NAALADL2: variants seen among roughly 807,000 people sequenced by gnomAD.
The protein encoded by NAALADL2 is inactive N-acetylated-alpha-linked acidic dipeptidase-like protein 2.
Under a neutral mutation model 87.2 loss-of-function variants are expected in NAALADL2, and 76 were observed. That is an observed-to-expected ratio of 0.87 (90% CI 0.72 to 1.05). The LOEUF (loss-of-function observed/expected upper bound fraction) is 1.05, where lower values mean the gene tolerates loss of function less well. Ranked by LOEUF, NAALADL2 falls within the 50% of genes least tolerant of loss-of-function variation. NAALADL2 has a pLI of 0.00. For missense variants in NAALADL2, 1,089 were observed against 945.8 expected (o/e 1.15, Z -1.99); for synonymous variants, 354 against 331.0 (o/e 1.07, Z -0.75).
intron 3 of NAALADL2, among the ~76,000 whole-genome samples, chr3:174,789,098 A>T (rs1177357183): frequency 6.6e-6 from 1 of 152,190 alleles, no homozygotes; most frequent in Non-Finnish European, 1.5e-5. Flanking sequence ...TGAGGTCATT[A>T]TCACTGGAAG....
intron 2 of NAALADL2, among the ~76,000 whole-genome samples, chr3:174,732,153 A>G (rs1225868720): frequency 1.3e-5 from 2 of 152,136 alleles, no homozygotes; most frequent in African/African-American, 4.8e-5. Flanking sequence ...ATTAACTAGC[A>G]ATGTTCCCAA....
chr3:174,965,220 G>A (rs1249802655), intron 1 of NAALADL2, among the ~76,000 whole-genome samples: 2 of 152,028 alleles, frequency 1.3e-5, no homozygotes, highest in Non-Finnish European at 2.9e-5. Flanking sequence ...GGCCATTGGC[G>A]GGAGGCCACA....
intron 11 of NAALADL2, among the ~76,000 whole-genome samples, chr3:175,632,254 G>T (rs1299212540): frequency 6.7e-6 from 1 of 148,360 alleles, no homozygotes; most frequent in African/African-American, 2.5e-5. Flanking sequence ...AAAAGTGTGT[G>T]GCACTTTCCC....
intron 11 of NAALADL2, among the ~76,000 whole-genome samples, chr3:175,667,231 GAAAGAAAGAAAAAGAAAGAA>G (rs774891120): frequency 3.4e-5 from 4 of 116,714 alleles, no homozygotes; most frequent in Non-Finnish European, 6.7e-5. Context: ...AAGAAAGAAA[GAAAGAAAGAAAAAGAAAGAA>G]AGAAAGAAAG....
intron 10 of NAALADL2, among the ~76,000 whole-genome samples, chr3:175,619,254 A>AGGAG (rs2149694248): frequency 9.9e-6 from 1 of 100,848 alleles, no homozygotes; most frequent in Admixed American, 1.2e-4. Context: ...GAAGGAAGGA[A>AGGAG]GGAAGGAAGG....
intron 5 of NAALADL2, among the ~76,000 whole-genome samples, chr3:175,419,614 GAT>G: frequency 6.6e-6 from 1 of 151,904 alleles, no homozygotes; most frequent in Non-Finnish European, 1.5e-5. Context: ...ACCTGATAAA[GAT>G]TAGGAAACAA....
intron 1 of NAALADL2, among the ~76,000 whole-genome samples, chr3:174,459,998 A>G (rs901385208): frequency 4.6e-5 from 7 of 152,184 alleles, no homozygotes; most frequent in Admixed American, 1.3e-4. Context: ...TCAAAATGAA[A>G]AAGCAAGCTA....
chr3:174,679,007 T>G (rs939922283), intron 2 of NAALADL2, among the ~76,000 whole-genome samples: 1 of 152,290 alleles, frequency 6.6e-6, no homozygotes, highest in Middle Eastern at 3.4e-3. Context: ...TTGTTGTTAC[T>G]GTGCTGTGTC....
chr3:174,869,141 C>A (rs1004799840), intron 1 of NAALADL2, among the ~76,000 whole-genome samples: 5 of 151,906 alleles, frequency 3.3e-5, no homozygotes, highest in African/African-American at 1.2e-4. Context: ...GTGACTCAAG[C>A]CTGGAACTAA....
intron 1 of NAALADL2, among the ~76,000 whole-genome samples, chr3:175,046,428 A>G (rs4340712): frequency 0.042 from 6,430 of 152,078 alleles, 183 homozygotes; most frequent in Non-Finnish European, 0.071. Context: ...TCATAAATCT[A>G]TTGTTGTCCA....
intron 5 of NAALADL2, among the ~76,000 whole-genome samples, chr3:175,390,803 A>G (rs901310847): frequency 1.3e-5 from 2 of 152,114 alleles, no homozygotes; most frequent in Admixed American, 1.3e-4. Flanking sequence ...CTTTTTCTAT[A>G]TTACTGGTCA....
At chr3:175,162,110 A>G (rs1316884004) in intron 2 of NAALADL2, among the ~76,000 whole-genome samples, 1 of 152,192 alleles carries the variant, frequency 6.6e-6, no homozygotes, top group African/African-American at 2.4e-5. Context: ...TTACAAGGTC[A>G]TAATCTTCAA....
chr3:175,278,545 C>A (rs148270340), intron 4 of NAALADL2, among the ~76,000 whole-genome samples: 1 of 152,270 alleles, frequency 6.6e-6, no homozygotes, highest in East Asian at 1.9e-4. Flanking sequence ...GGTGTGTCAA[C>A]TTTTTGGATG....
intron 2 of NAALADL2, among the ~76,000 whole-genome samples, chr3:175,125,149 A>G (rs1292203363): frequency 6.6e-6 from 1 of 152,036 alleles, no homozygotes; most frequent in Non-Finnish European, 1.5e-5. Flanking sequence ...GTTGTGAAGT[A>G]AAAAATGTAT....
At chr3:174,527,745 A>G (rs560307387) in intron 1 of NAALADL2, among the ~76,000 whole-genome samples, 3 of 152,162 alleles carry the variant, frequency 2.0e-5, no homozygotes, top group Non-Finnish European at 4.4e-5. Flanking sequence ...TTAATAAAAC[A>G]TCCATCACAT....
chr3:175,168,046 T>TC (rs1734238486), intron 2 of NAALADL2, among the ~76,000 whole-genome samples: 1 of 151,782 alleles, frequency 6.6e-6, no homozygotes, highest in South Asian at 2.1e-4. Flanking sequence ...ATTACAATTT[T>TC]TTTTCCCAAA....
chr3:175,380,926 G>A (rs900715247), intron 5 of NAALADL2, among the ~76,000 whole-genome samples: 1 of 151,582 alleles, frequency 6.6e-6, no homozygotes. Flanking sequence ...TTTTATCTAT[G>A]GAGATATTTC....
intron 4 of NAALADL2, among the ~76,000 whole-genome samples, chr3:175,276,461 G>A (rs961119635): frequency 2.6e-5 from 4 of 151,888 alleles, no homozygotes; most frequent in South Asian, 2.1e-4. Context: ...GTGCCACCAC[G>A]CCTGGCTAGT....
At chr3:175,273,910 A>G (rs1043634880) in intron 4 of NAALADL2, among the ~76,000 whole-genome samples, 12 of 152,090 alleles carry the variant, frequency 7.9e-5, no homozygotes, top group African/African-American at 2.7e-4. Flanking sequence ...ACAAATTAAA[A>G]TCGTTAAGTT....
Sources: gnomAD v4.1 joint callset for allele counts (sites outside exome capture counted in the v4.1 genomes callset) on GRCh38, gnomAD v4.1.1 for gene constraint, MANE v1.5 for transcripts, NCBI Gene and HGNC (gene_info 2026-07-23, HGNC 2026-07-21) for gene names.